PCDH15: variants seen among roughly 807,000 people sequenced by gnomAD.
PCDH15 encodes protocadherin related 15.
Under a neutral mutation model 178.5 loss-of-function variants are expected in PCDH15, and 129 were observed. The ratio of observed to expected loss-of-function variants is 0.72; its 90% CI spans 0.63 to 0.84. The LOEUF (loss-of-function observed/expected upper bound fraction) is 0.84. PCDH15 is among the 40% of genes least tolerant of loss of function. The pLI is 0.00. For missense variants in PCDH15, 2,230 were observed against 2,099.9 expected (o/e 1.06, Z -1.21); for synonymous variants, 800 against 732.0 (o/e 1.09, Z -1.50).
At chr10:54,954,042 A>G (rs1407445565) in intron 2 of PCDH15, among the ~76,000 whole-genome samples, 2 of 151,258 alleles carry the variant, frequency 1.3e-5, no homozygotes, top group African/African-American at 2.4e-5. Context: ...TTAAGAATCA[A>G]TGGAAATCTT....
At chr10:53,886,792 T>A (rs2081134206) in intron 26 of PCDH15, among the ~76,000 whole-genome samples, 2 of 152,138 alleles carry the variant, frequency 1.3e-5, no homozygotes, top group Admixed American at 6.5e-5. Context: ...CACTGCCTTC[T>A]GGGTCTGGAA....
intron 2 of PCDH15, among the ~76,000 whole-genome samples, chr10:55,043,674 C>A (rs1182628586): frequency 2.0e-5 from 3 of 151,592 alleles, no homozygotes; most frequent in African/African-American, 7.3e-5. Context: ...TGTGCCAGTG[C>A]ACTCAAGCCT....
intron 1 of PCDH15, among the ~76,000 whole-genome samples, chr10:54,748,304 A>G (rs1324877877): frequency 6.6e-6 from 1 of 152,188 alleles, no homozygotes; most frequent in Admixed American, 6.5e-5. Flanking sequence ...TACACGGGAT[A>G]AAATTGTTAG....
intron 1 of PCDH15, among the ~76,000 whole-genome samples, chr10:54,800,713 G>A (rs1209016287): frequency 6.6e-6 from 1 of 152,176 alleles, no homozygotes; most frequent in Non-Finnish European, 1.5e-5. Flanking sequence ...ATACCAGACA[G>A]TAATCAGGAA....
At chr10:53,825,376 A>G (rs2076610095) in intron 32 of PCDH15, among the ~76,000 whole-genome samples, 1 of 149,850 alleles carries the variant, frequency 6.7e-6, no homozygotes, top group Non-Finnish European at 1.5e-5. Context: ...AGAAAATTGT[A>G]TCTAATAAAG....
At chr10:53,867,868 G>A (rs80187458) in intron 26 of PCDH15, among the ~76,000 whole-genome samples, 2,221 of 152,006 alleles carry the variant, frequency 0.015, 47 homozygotes, top group African/African-American at 0.049. Context: ...AATACTATCC[G>A]ACTTCCTTTT....
At chr10:54,459,607 G>A (rs947173627) in intron 3 of PCDH15, among the ~76,000 whole-genome samples, 8 of 152,044 alleles carry the variant, frequency 5.3e-5, no homozygotes, top group African/African-American at 1.9e-4. Flanking sequence ...AGTGTTTTAT[G>A]AGGATATTAG....
chr10:55,359,745 T>TAC (rs1274312555), intron 2 of PCDH15, among the ~76,000 whole-genome samples: 129 of 131,742 alleles, frequency 9.8e-4, no homozygotes, highest in African/African-American at 3.0e-3. Context: ...TATATATATA[T>TAC]ATACACACAC....
At chr10:55,330,834 A>C (rs61851097) in intron 2 of PCDH15, among the ~76,000 whole-genome samples, 39,313 of 125,120 alleles carry the variant, frequency 0.31, 6,259 homozygotes, top group Admixed American at 0.42. Context: ...AGATAGATTT[A>C]TTTATGTGTG....
intron 6 of PCDH15, among the ~76,000 whole-genome samples, chr10:54,344,904 C>CCAAAAAAA (rs58908008): frequency 1.1e-3 from 90 of 78,840 alleles, no homozygotes; most frequent in African/African-American, 1.7e-3. Flanking sequence ...AGAAACAAAG[C>CCAAAAAAA]AAAAAAAAAA....
At chr10:54,814,395 T>C (rs111263939) in intron 3 of PCDH15, among the ~76,000 whole-genome samples, 4,175 of 152,256 alleles carry the variant, frequency 0.027, 106 homozygotes, top group Middle Eastern at 0.058. Context: ...TAAACGTGTA[T>C]CTAACAGGTA....
intron 2 of PCDH15, among the ~76,000 whole-genome samples, chr10:55,113,748 G>T (rs1342079729): frequency 6.6e-6 from 1 of 152,066 alleles, no homozygotes; most frequent in South Asian, 2.1e-4. Context: ...CCACAAGGCA[G>T]TTAATCTAAA....
chr10:54,424,375 A>T (rs1188409714), intron 3 of PCDH15, among the ~76,000 whole-genome samples: 1 of 151,838 alleles, frequency 6.6e-6, no homozygotes, highest in Non-Finnish European at 1.5e-5. Flanking sequence ...GCTGGAGAGG[A>T]TATGGAGAAA....
At chr10:54,979,929 G>T (rs1466915625) in intron 2 of PCDH15, among the ~76,000 whole-genome samples, 3 of 151,978 alleles carry the variant, frequency 2.0e-5, no homozygotes. Flanking sequence ...TTGTAGAATT[G>T]CAGAGTTCCA....
chr10:54,587,841 G>A (rs1009462298), intron 2 of PCDH15, among the ~76,000 whole-genome samples: 3 of 152,114 alleles, frequency 2.0e-5, no homozygotes, highest in African/African-American at 7.2e-5. Context: ...AAATAATAAT[G>A]TAAGATATGA....
At chr10:53,807,858 CA>C (rs1457555847) in intron 37 of PCDH15, among the ~76,000 whole-genome samples, 1 of 152,090 alleles carries the variant, frequency 6.6e-6, no homozygotes, top group African/African-American at 2.4e-5. Context: ...TGGACATTTT[CA>C]CAAATTCATT....
intron 2 of PCDH15, among the ~76,000 whole-genome samples, chr10:55,016,122 CTG>C (rs1232398852): frequency 2.2e-5 from 3 of 136,264 alleles, no homozygotes; most frequent in Non-Finnish European, 3.1e-5. Context: ...AAAAAAAAGA[CTG>C]TGGGTACAAA....
intron 18 of PCDH15, among the ~76,000 whole-genome samples, chr10:54,033,162 A>C (rs930739779): frequency 6.6e-6 from 1 of 151,972 alleles, no homozygotes; most frequent in Non-Finnish European, 1.5e-5. Context: ...TCAGTTTTAA[A>C]GTAAGTACAA....
intron 15 of PCDH15, among the ~76,000 whole-genome samples, chr10:54,112,933 C>T (rs890830473): frequency 6.6e-6 from 1 of 152,122 alleles, no homozygotes; most frequent in African/African-American, 2.4e-5. Context: ...AGTTTTCAGT[C>T]TCTTGAGAAA....
Sources: gnomAD v4.1 joint callset for allele counts (sites outside exome capture counted in the v4.1 genomes callset) on GRCh38, gnomAD v4.1.1 for gene constraint, MANE v1.5 for transcripts, NCBI Gene and HGNC (gene_info 2026-07-23, HGNC 2026-07-21) for gene names.